Variants in ANKH observed in about 807,000 individuals in gnomAD.
ANKH encodes mineralization regulator ANKH.
Under a neutral mutation model 49.0 loss-of-function variants are expected in ANKH, and 15 were observed. That is an observed-to-expected ratio of 0.31 (90% confidence interval 0.20 to 0.47). ANKH has a LOEUF of 0.47. Among genes scored for constraint, ANKH ranks in the 20% least tolerant of loss-of-function variants. The pLI is 1.00. For missense variants in ANKH, 429 were observed against 652.0 expected (o/e 0.66, Z 3.72); for synonymous variants, 273 against 260.0 (o/e 1.05, Z -0.48).
intron 1 of ANKH, chr5:14,870,701 A>G (rs1225255718): frequency 6.3e-6 from 1 of 158,984 alleles, no homozygotes; most frequent in Non-Finnish European, 1.4e-5. Context: ...GTGAAAAGAA[A>G]CAAGGACGAG....
At chr5:14,761,576 A>G (rs566636903) in intron 2 of ANKH, among the ~76,000 whole-genome samples, 8 of 151,606 alleles carry the variant, frequency 5.3e-5, no homozygotes, top group Non-Finnish European at 1.0e-4. Context: ...GACAGCAGTC[A>G]CATCTCACTC....
At chr5:14,804,067 T>G (rs1054047089) in intron 1 of ANKH, among the ~76,000 whole-genome samples, 1 of 152,132 alleles carries the variant, frequency 6.6e-6, no homozygotes, top group Non-Finnish European at 1.5e-5. Context: ...GGCTAATTTT[T>G]GTATTGTTAG....
intron 8 of ANKH, among the ~76,000 whole-genome samples, chr5:14,726,452 C>T (rs570320340): frequency 3.3e-5 from 5 of 152,200 alleles, no homozygotes; most frequent in South Asian, 2.1e-4. Context: ...CAAGGATCCT[C>T]GTCACGGCTA....
intron 1 of ANKH, among the ~76,000 whole-genome samples, chr5:14,791,007 C>T (rs1472962248): frequency 6.6e-6 from 1 of 152,172 alleles, no homozygotes; most frequent in East Asian, 1.9e-4. Flanking sequence ...TCCTGAAAAA[C>T]CTAGCAAGGT....
At position 14,806,254 on chromosome 5, in the gene ANKH, G is replaced by A. The variant is rs373556343; in HGVS notation, c.97-37063C>T. Among the ~76,000 whole-genome samples the A allele has an allele frequency of 1.1e-4, 17 of 151,540 alleles. No homozygotes were observed. In the South Asian group the frequency reaches 2.9e-3, roughly 26 times the overall value. ...CTATGCAGCAGCTCTTGCCCCTCAC[G>A]ACCTGCACCACCCTCAACCCCCCAA... On this transcript the variant is annotated intron_variant, in intron 1 of 11. Coordinates refer to ENST00000284268, the MANE Select transcript of ANKH (RefSeq NM_054027.6).
intron 1 of ANKH, among the ~76,000 whole-genome samples, chr5:14,788,688 C>T (rs1195171288): frequency 1.3e-5 from 2 of 152,218 alleles, no homozygotes; most frequent in East Asian, 1.9e-4. Context: ...GTGGAGAAGG[C>T]AGTAGAAAGG....
chr5:14,709,673 A>G lies in ANKH; in HGVS notation c.*1524T>C, dbSNP rs1737084148. ...CCCATTTATTCCCCAGTTACCCATA[A>G]TGAAAAATAGTTCTGTCATTTACTG... On this transcript the variant is annotated 3_prime_UTR_variant, in exon 12 of 12. Transcript: ENST00000284268. 6.6e-6 allele frequency: 1 copy of G among 152,536 alleles called. No individual in the cohort carries two copies. Among genetic ancestry groups the G allele is most frequent in the Non-Finnish European group, 1.5e-5 (1 of 68,028 alleles). 9.4% of individuals were successfully genotyped at this position (152,536 alleles called of 1,614,324 possible). A position where few individuals can be genotyped will look rare whatever the true frequency, so the allele number is the denominator to read the frequency against.
intron 1 of ANKH, among the ~76,000 whole-genome samples, chr5:14,818,145 G>A (rs941838496): frequency 4.0e-5 from 6 of 150,282 alleles, no homozygotes; most frequent in East Asian, 1.9e-4. Flanking sequence ...TACCCATACC[G>A]GTTATAATTC....
intron 8 of ANKH, among the ~76,000 whole-genome samples, chr5:14,721,896 C>G (rs541022945): frequency 1.5e-5 from 2 of 137,324 alleles, no homozygotes; most frequent in Non-Finnish European, 3.0e-5. Context: ...TGCCACTGCA[C>G]TCCAGCCTGG....
At chr5:14,858,695 A>G (rs1311202922) in intron 1 of ANKH, among the ~76,000 whole-genome samples, 4 of 151,320 alleles carry the variant, frequency 2.6e-5, no homozygotes, top group African/African-American at 4.8e-5. Flanking sequence ...CAGCCTGGGC[A>G]ACAGAGTGAG....
Position 14,716,777 on chromosome 5 carries a change from A to T in ANKH, c.1070T>A (p.Ile357Asn). Residue 357 changes from isoleucine to asparagine, a missense_variant, in exon 9 of 12, where the codon ATC becomes AAC. Ile to Asn is a moderately radical substitution (Grantham distance 149). Coordinates refer to ENST00000284268, the MANE Select transcript of ANKH (RefSeq NM_054027.6). ...TTCTGCAAAGGCAAAGTCCACTCCG[A>T]TGATGTCTATCAAGATTTTCTCAGA... ...NVSEKILIDI[I>N]GVDFAFAELC... is the part of the protein sequence containing the mutation. The T allele has an allele frequency of 6.2e-7, 1 of 1,614,194 alleles. No individual in the cohort carries two copies. The highest frequency in any genetic ancestry group is 8.5e-7 in the Non-Finnish European group (1 of 1,179,984).
chr5:14,745,982 CAG>C lies in ANKH; in HGVS notation c.823-22_823-21del, dbSNP rs1359179564. On this transcript the variant is annotated intron_variant, in intron 6 of 11. Coordinates refer to ENST00000284268, the MANE Select transcript of ANKH (RefSeq NM_054027.6). This position sits in a 1 kb window ranked among gnomAD's most constrained non-coding sequence, Gnocchi z 4.7. Reference sequence around the variant, plus strand: ...CACTGCCTGCAACAGGAAGAGGTGGCAGAGTTAGCAGGGTACCAGCAGGAAGT... The same window carrying C: ...CACTGCCTGCAACAGGAAGAGGTGGCAGTTAGCAGGGTACCAGCAGGAAGT... 1.9e-6 allele frequency: 3 copies of C among 1,603,382 alleles called. No individual in the cohort carries two copies. Among genetic ancestry groups the C allele is most frequent in the Admixed American group, 1.7e-5 (1 of 59,984 alleles).
At chr5:14,723,371 T>TA (rs1366533899) in intron 8 of ANKH, among the ~76,000 whole-genome samples, 1 of 140,006 alleles carries the variant, frequency 7.1e-6, no homozygotes. Flanking sequence ...AAAAAAAAGT[T>TA]AAAAAAAGAA....
At chr5:14,799,699 G>A (rs532193711) in intron 1 of ANKH, among the ~76,000 whole-genome samples, 1 of 152,142 alleles carries the variant, frequency 6.6e-6, no homozygotes, top group African/African-American at 2.4e-5. Flanking sequence ...GAGACCTACT[G>A]CTCAGAAAAA....
intron 1 of ANKH, among the ~76,000 whole-genome samples, chr5:14,819,293 G>A (rs1049872421): frequency 1.3e-5 from 2 of 152,182 alleles, no homozygotes; most frequent in Non-Finnish European, 2.9e-5. Context: ...AAAGACATAT[G>A]GGCAGGAAAT....
At chr5:14,752,293 G>A (rs545976127) in intron 4 of ANKH, among the ~76,000 whole-genome samples, 4 of 152,278 alleles carry the variant, frequency 2.6e-5, no homozygotes, top group Non-Finnish European at 4.4e-5. Flanking sequence ...CTGGGTGACA[G>A]TGAGACCCTA....
chr5:14,796,445 T>A (rs1404872894), intron 1 of ANKH, among the ~76,000 whole-genome samples: 1 of 86,918 alleles, frequency 1.2e-5, no homozygotes, highest in Non-Finnish European at 2.1e-5. Context: ...AACTTGGCGG[T>A]CCCAAGTTAA....
rs1737097643 is a variant in ANKH at position 14,709,905 on chromosome 5, A to ATATCT, written c.*1287_*1291dup. On this transcript the variant is annotated 3_prime_UTR_variant, in exon 12 of 12. Coordinates refer to ENST00000284268, the MANE Select transcript of ANKH (RefSeq NM_054027.6). ...TACATAACATATACAGCATATATTT[A>ATATCT]TATCTTTAAAATATTTTTTTTTTTA... 6.6e-6 allele frequency: 1 copy of ATATCT among 152,592 alleles called. No homozygotes were observed. Among genetic ancestry groups the ATATCT allele is most frequent in the South Asian group, 2.1e-4 (1 of 4,834 alleles). 9.5% of individuals were successfully genotyped at this position (152,592 alleles called of 1,614,324 possible).
In ANKH at chr5:14,745,265, T is replaced by C. The variant is rs1368123350; in HGVS notation, c.915+605A>G. ...AGGTTTAAATGATAACGCTATAAAA[T>C]AGACTTTAATTGAATGACAGCAGGA... On this transcript the variant is annotated intron_variant, in intron 7 of 11. Transcript: ENST00000284268. The surrounding 1 kb of genome is among the most constrained non-coding windows in gnomAD (Gnocchi z 4.7). Among the ~76,000 whole-genome samples, 1 of 152,204 alleles carries C rather than the reference T, an allele frequency of 6.6e-6. No homozygotes were observed. Among genetic ancestry groups the C allele is most frequent in the Non-Finnish European group, 1.5e-5 (1 of 68,028 alleles).
Sources: gnomAD v4.1 joint callset for allele counts (sites outside exome capture counted in the v4.1 genomes callset) on GRCh38, gnomAD v4.1.1 for gene constraint, Gnocchi (gnomAD v3.1) non-coding constraint, MANE v1.5 for transcripts, NCBI Gene and HGNC (gene_info 2026-07-23, HGNC 2026-07-21) for gene names.